UBR3: variants seen among roughly 807,000 people sequenced by gnomAD.
UBR3 encodes the protein ubiquitin protein ligase E3 component n-recognin 3.
UBR3 carries 85 observed loss-of-function variants against 243.2 expected under a neutral mutation model. The observed-to-expected ratio is 0.35, with a 90% CI of 0.29 to 0.42. The LOEUF is 0.42. Among genes scored for constraint, UBR3 ranks in the 10% least tolerant of loss-of-function variants. The probability of loss-of-function intolerance (pLI) is 1.00; values close to 1 mark genes in which losing one functional copy is unlikely to be tolerated. For synonymous variants in UBR3, 748 were observed against 799.8 expected, an observed-to-expected ratio of 0.94 and a Z score of 1.09; for missense variants, 1,686 against 2,300.8, an observed-to-expected ratio of 0.73 and a Z score of 5.47.
In UBR3 at chr2:170,078,213, C is replaced by T. The variant is rs971446816; in HGVS notation, c.5200-1601C>T. The T allele has an allele frequency of 1.0e-4, 51 of 496,390 alleles. 2 individuals are homozygous for T. Among genetic ancestry groups the T allele is most frequent in the South Asian group, 6.7e-4 (37 of 55,230 alleles). The allele number at this position is 496,390 out of a possible 1,614,324, so 30.7% of individuals were successfully genotyped here. A position where few individuals can be genotyped will look rare whatever the true frequency, so the allele number is the denominator to read the frequency against. ...GAATGTTCATAAGCCTCTCAACTTT[C>T]CTTCTTTCCCTTTTTCTCATGGTAA... On this transcript the variant is annotated intron_variant, in intron 36 of 38. Coordinates refer to ENST00000272793, the MANE Select transcript of UBR3 (RefSeq NM_172070.4).
chr2:169,878,754 G>C (rs912446269), intron 5 of UBR3, among the ~76,000 whole-genome samples, 180 bp downstream of exon 5: 14 of 152,118 alleles, frequency 9.2e-5, no homozygotes, highest in Admixed American at 1.3e-4. Flanking sequence ...GGGAAGCCTA[G>C]ATCACACAAT....
intron 6 of UBR3, among the ~76,000 whole-genome samples, chr2:169,894,120 A>G (rs999463248): frequency 2.0e-5 from 3 of 151,974 alleles, no homozygotes; most frequent in Admixed American, 1.3e-4. Flanking sequence ...TAATAAAGAA[A>G]TGTAGCCTGG....
chr2:169,875,971 A>C (rs2083589672), intron 3 of UBR3, 22 bp downstream of exon 3: 2 of 1,466,404 alleles, frequency 1.4e-6, no homozygotes, highest in African/African-American at 2.9e-5. Flanking sequence ...GTTAGAAGAA[A>C]TTTATAGTTT....
At chr2:170,019,413 G>A (rs2090330505) in intron 30 of UBR3, among the ~76,000 whole-genome samples, 3 of 152,184 alleles carry the variant, frequency 2.0e-5, no homozygotes, top group Admixed American at 1.3e-4. Flanking sequence ...GCCAGGTGCG[G>A]TGGCTCACTC....
At chr2:169,853,779 TTTTTTTTGTTTTG>T (rs2082743651) in intron 1 of UBR3, among the ~76,000 whole-genome samples, 1 of 152,072 alleles carries the variant, frequency 6.6e-6, no homozygotes, top group Non-Finnish European at 1.5e-5. Context: ...GGACTTCGTT[TTTTTTTTGTTTTG>T]TTTTTTGTTT....
Position 169,991,640 on chromosome 2 carries a change from T to A in UBR3, c.3785-2683T>A, listed in dbSNP as rs967665895. Among the ~76,000 whole-genome samples the A allele has an allele frequency of 4.6e-5, 7 of 152,302 alleles. No individual in the cohort carries two copies. The East Asian group carries it at 1.3e-3, about 29-fold the overall frequency. On this transcript the variant is annotated intron_variant, in intron 25 of 38. Transcript: ENST00000272793. ...CTCTGTCATGCAGGCTGGAGTGCAG[T>A]GGCGTGGTCTCGGCTCACTGCAAGC...
intron 11 of UBR3, 140 bp from the exon 12 acceptor site, chr2:169,923,789 C>A: frequency 1.3e-6 from 1 of 755,100 alleles, no homozygotes; most frequent in Non-Finnish European, 2.0e-6. Context: ...ATTTTGGAAT[C>A]TGCATCTTCT....
intron 1 of UBR3, among the ~76,000 whole-genome samples, chr2:169,847,715 A>G (rs568719520): frequency 6.6e-6 from 1 of 152,316 alleles, no homozygotes; most frequent in Admixed American, 6.5e-5. Flanking sequence ...GAAAGATACT[A>G]CTGTGTCACC....
intron 5 of UBR3, among the ~76,000 whole-genome samples, chr2:169,885,357 G>A (rs1039763150): frequency 6.6e-6 from 1 of 152,228 alleles, no homozygotes; most frequent in East Asian, 1.9e-4. Context: ...CGAGGCGGGC[G>A]GATCACCTGA....
At chr2:169,921,978 G>A (rs1392002861) in intron 11 of UBR3, among the ~76,000 whole-genome samples, 1 of 151,834 alleles carries the variant, frequency 6.6e-6, no homozygotes, top group African/African-American at 2.4e-5. Context: ...GGGACAGTGC[G>A]AGACTCAAAA....
At chr2:170,019,241 A>G (rs554859002) in intron 30 of UBR3, among the ~76,000 whole-genome samples, 4 of 152,340 alleles carry the variant, frequency 2.6e-5, no homozygotes, top group East Asian at 1.9e-4. Flanking sequence ...GATGTAATCT[A>G]TGATCTGATC....
intron 11 of UBR3, among the ~76,000 whole-genome samples, chr2:169,915,424 C>T (rs1304680908): frequency 6.6e-6 from 1 of 152,054 alleles, no homozygotes; most frequent in Non-Finnish European, 1.5e-5. Context: ...TTAGTAGGGA[C>T]GGAGTTTCAC....
rs116534601 is a variant in UBR3 at position 169,860,542 on chromosome 2, T to C, written c.546-11694T>C. The stretch of plus-strand genomic sequence containing the variant: ...ATGAGGGAGTAAATTTGGTCCTTGC[T>C]ACTCCATCTTGACAAGTTTTTCCTC... On this transcript the variant is annotated intron_variant, in intron 1 of 38. Coordinates refer to ENST00000272793, the MANE Select transcript of UBR3 (RefSeq NM_172070.4). Among the ~76,000 whole-genome samples, 1,449 of 152,340 alleles carry C rather than the reference T, an allele frequency of 9.5e-3. 14 individuals carry two copies. Among genetic ancestry groups the C allele is most frequent in the Non-Finnish European group, 0.014 (980 of 68,022 alleles).
intron 23 of UBR3, among the ~76,000 whole-genome samples, chr2:169,952,316 A>C (rs956277648): frequency 6.6e-6 from 1 of 152,188 alleles, no homozygotes; most frequent in African/African-American, 2.4e-5. Context: ...CAAAATTGTT[A>C]AGTGCTACAG....
intron 24 of UBR3, among the ~76,000 whole-genome samples, chr2:169,971,600 T>G (rs2088148412): frequency 6.6e-6 from 1 of 152,132 alleles, no homozygotes; most frequent in South Asian, 2.1e-4. Context: ...CCCCATTGCT[T>G]GTTTTTCTCA....
intron 1 of UBR3, among the ~76,000 whole-genome samples, chr2:169,847,663 A>AT (rs890599830): frequency 4.6e-5 from 7 of 152,044 alleles, no homozygotes; most frequent in Non-Finnish European, 8.8e-5. Flanking sequence ...GTAAGTTTCT[A>AT]TTTTTTCTAG....
intron 20 of UBR3, among the ~76,000 whole-genome samples, chr2:169,943,330 C>T (rs979816291): frequency 2.0e-5 from 3 of 152,098 alleles, no homozygotes; most frequent in South Asian, 2.1e-4. Flanking sequence ...AGGCTGGGCG[C>T]GGTGGCTCAC....
intron 1 of UBR3, among the ~76,000 whole-genome samples, chr2:169,833,892 C>T (rs1231864325): frequency 2.6e-5 from 4 of 152,030 alleles, no homozygotes; most frequent in Non-Finnish European, 5.9e-5. Context: ...CAAGTGATCT[C>T]CCACCTCACC....
At chr2:169,843,611 A>G (rs1021684783) in intron 1 of UBR3, among the ~76,000 whole-genome samples, 3 of 152,372 alleles carry the variant, frequency 2.0e-5, no homozygotes, top group Middle Eastern at 3.4e-3. Flanking sequence ...ATTATTGACT[A>G]TTGAACCAGT....
Sources: gnomAD v4.1 joint callset for allele counts (sites outside exome capture counted in the v4.1 genomes callset) on GRCh38, gnomAD v4.1.1 for gene constraint, MANE v1.5 for transcripts, NCBI Gene and HGNC (gene_info 2026-07-23, HGNC 2026-07-21) for gene names.